The following DARS1 variants were observed in gnomAD, a reference collection of about 807,000 sequenced individuals.
DARS1 encodes aspartate--tRNA ligase, cytoplasmic.
Under a neutral mutation model 68.8 loss-of-function variants are expected in DARS1, and 51 were observed. The ratio of observed to expected loss-of-function variants is 0.74; its 90% CI spans 0.59 to 0.94. The LOEUF is 0.94. Among genes scored for constraint, DARS1 ranks in the 40% least tolerant of loss-of-function variants. DARS1 has a pLI of 0.00. For synonymous variants in DARS1, 203 were observed against 190.4 expected, an observed-to-expected ratio of 1.07 and a Z score of -0.55; for missense variants, 607 against 597.3, an observed-to-expected ratio of 1.02 and a Z score of -0.17.
At chr2:135,955,679 T>TAA (rs1681956841) in intron 4 of DARS1, among the ~76,000 whole-genome samples, 2 of 102,076 alleles carry the variant, frequency 2.0e-5, no homozygotes, top group African/African-American at 9.2e-5. Flanking sequence ...AAATCTTTTT[T>TAA]TTTTTTTTTT....
chr2:135,939,842 C>G (rs974590967), intron 5 of DARS1, among the ~76,000 whole-genome samples: 3 of 152,134 alleles, frequency 2.0e-5, no homozygotes, highest in Non-Finnish European at 4.4e-5. Context: ...ACCGATCCCA[C>G]AGAAATACAA....
chr2:135,912,723 T>C (rs1049547413), intron 12 of DARS1, among the ~76,000 whole-genome samples, 157 bp from the exon 13 acceptor site: 1 of 152,192 alleles, frequency 6.6e-6, no homozygotes, highest in Non-Finnish European at 1.5e-5. Context: ...AACATTTTTA[T>C]CCTACAGCAT....
chr2:135,941,671 A>C (rs1349319857), intron 5 of DARS1, among the ~76,000 whole-genome samples: 2 of 151,046 alleles, frequency 1.3e-5, no homozygotes, highest in Non-Finnish European at 3.0e-5. Flanking sequence ...GATCTAATTA[A>C]ACTAAAGAGC....
At chr2:135,940,071 C>T (rs1293630977) in intron 5 of DARS1, among the ~76,000 whole-genome samples, 3 of 152,122 alleles carry the variant, frequency 2.0e-5, no homozygotes, top group African/African-American at 4.8e-5. Context: ...CTGAATTCTA[C>T]CAGAGATACA....
chr2:135,926,129 G>A (rs1365650650), intron 7 of DARS1, among the ~76,000 whole-genome samples: 3 of 152,126 alleles, frequency 2.0e-5, no homozygotes, highest in African/African-American at 4.8e-5. Flanking sequence ...GACCCCAGGC[G>A]ATCTGCTCAT....
At chr2:135,936,367 A>C (rs893934746) in intron 5 of DARS1, among the ~76,000 whole-genome samples, 69 of 152,140 alleles carry the variant, frequency 4.5e-4, no homozygotes, top group African/African-American at 1.5e-3. Flanking sequence ...TAGTAAAAAA[A>C]CAGAAATATA....
At chr2:135,910,935 T>C (rs1242306521) in intron 15 of DARS1, 1 of 473,654 alleles carries the variant, frequency 2.1e-6, no homozygotes, top group Non-Finnish European at 3.8e-6. Context: ...ACAAGACATT[T>C]GGCTTCTAAA....
intron 2 of DARS1, among the ~76,000 whole-genome samples, chr2:135,982,740 G>A (rs1447172533): frequency 1.3e-5 from 2 of 152,264 alleles, no homozygotes; most frequent in Non-Finnish European, 2.9e-5. Flanking sequence ...GAGTGGGGGT[G>A]GAGGCTTTAA....
chr2:135,954,903 T>C (rs1002402448), intron 4 of DARS1, among the ~76,000 whole-genome samples: 1 of 152,048 alleles, frequency 6.6e-6, no homozygotes, highest in Non-Finnish European at 1.5e-5. Context: ...AGTGTTACCT[T>C]TTATTTCTCA....
intron 4 of DARS1, among the ~76,000 whole-genome samples, chr2:135,949,579 T>G (rs1430704383): frequency 6.6e-6 from 1 of 152,160 alleles, no homozygotes; most frequent in Non-Finnish European, 1.5e-5. Flanking sequence ...CTCAAACCAT[T>G]TCAGATATAT....
chr2:135,966,320 T>G (rs1304071405), intron 3 of DARS1, among the ~76,000 whole-genome samples: 1 of 152,182 alleles, frequency 6.6e-6, no homozygotes, highest in Admixed American at 6.5e-5. Context: ...ACCCATAAAT[T>G]ACTTTCTATT....
intron 3 of DARS1, among the ~76,000 whole-genome samples, chr2:135,967,569 A>G (rs1024739644): frequency 6.6e-6 from 1 of 152,256 alleles, no homozygotes; most frequent in Admixed American, 6.5e-5. Flanking sequence ...GATGTTATAT[A>G]TAAACCTACC....
chr2:135,936,864 GC>G (rs957785985), intron 5 of DARS1, among the ~76,000 whole-genome samples: 5 of 152,068 alleles, frequency 3.3e-5, no homozygotes, highest in Non-Finnish European at 5.9e-5. Context: ...GTACATATAG[GC>G]CTATCTCTGA....
rs190220091 is a variant in DARS1, at chr2:135,913,484, C to T, written c.1150-918G>A. 1.9e-4 allele frequency among the ~76,000 whole-genome samples: 29 copies of T among 152,178 alleles called. No homozygotes were observed. In the East Asian group the frequency reaches 4.8e-3, roughly 25 times the overall value. On this transcript the variant is annotated intron_variant, in intron 12 of 15. Coordinates refer to ENST00000264161, the MANE Select transcript of DARS1 (RefSeq NM_001349.4). The stretch of plus-strand genomic sequence containing the variant: ...ATAAATTACATTTGAGGGCCCGGCG[C>T]GGTGGCTCATGCCTGTAATCCCAGC...
chr2:135,974,991 AAAAAT>A (rs61297566), intron 3 of DARS1, among the ~76,000 whole-genome samples: 33,738 of 151,950 alleles, frequency 0.22, 4,304 homozygotes, highest in Middle Eastern at 0.41. Flanking sequence ...TACAAATGAG[AAAAAT>A]AAAATATATG....
intron 7 of DARS1, among the ~76,000 whole-genome samples, chr2:135,931,790 T>C (rs576486745): frequency 1.7e-4 from 26 of 152,230 alleles, no homozygotes; most frequent in African/African-American, 6.3e-4. Context: ...TTTTAAGAAG[T>C]GCCATCCAGA....
chr2:135,948,375 C>A (rs1419677310), intron 4 of DARS1, among the ~76,000 whole-genome samples: 2 of 152,192 alleles, frequency 1.3e-5, no homozygotes, highest in Non-Finnish European at 2.9e-5. Context: ...CACCTGTATA[C>A]CCTGCCTCTG....
At chr2:135,913,431 T>C (rs1488357448) in intron 12 of DARS1, among the ~76,000 whole-genome samples, 2 of 152,078 alleles carry the variant, frequency 1.3e-5, no homozygotes, top group African/African-American at 4.8e-5. Context: ...GAATGCTTAC[T>C]ATGTGACCTA....
chr2:135,910,421 T>C (rs1351559191), intron 15 of DARS1, among the ~76,000 whole-genome samples: 3 of 152,158 alleles, frequency 2.0e-5, no homozygotes, highest in African/African-American at 7.2e-5. Flanking sequence ...TTTAGTGATG[T>C]TGAGCATTTT....
Sources: gnomAD v4.1 joint callset for allele counts (sites outside exome capture counted in the v4.1 genomes callset) on GRCh38, gnomAD v4.1.1 for gene constraint, MANE v1.5 for transcripts, NCBI Gene and HGNC (gene_info 2026-07-23, HGNC 2026-07-21) for gene names.